The following MDGA2 variants were observed in gnomAD, a reference collection of about 807,000 sequenced individuals.
MDGA2 encodes MAM domain-containing glycosylphosphatidylinositol anchor protein 2.
Under a neutral mutation model 117.8 loss-of-function variants are expected in MDGA2, and 40 were observed. That is an observed-to-expected ratio of 0.34 (90% CI 0.26 to 0.44). MDGA2 has a LOEUF of 0.44. Among genes scored for constraint, MDGA2 ranks in the 20% least tolerant of loss-of-function variants. MDGA2 has a pLI of 1.00. For missense variants in MDGA2, 1,123 were observed against 1,250.6 expected, an observed-to-expected ratio of 0.90 and a Z score of 1.54; for synonymous variants, 452 against 439.0, an observed-to-expected ratio of 1.03 and a Z score of -0.37.
chr14:47,668,987 C>T (rs553486424), intron 1 of MDGA2, among the ~76,000 whole-genome samples: 1 of 152,232 alleles, frequency 6.6e-6, no homozygotes, highest in African/African-American at 2.4e-5. Context: ...AGTGATGAAT[C>T]GCCTCTATAC....
intron 5 of MDGA2, among the ~76,000 whole-genome samples, chr14:47,118,979 C>T (rs924560031): frequency 6.6e-6 from 1 of 151,946 alleles, no homozygotes; most frequent in African/African-American, 2.4e-5. Flanking sequence ...CTTGAGCAAT[C>T]CTCCTGCCTC....
chr14:47,283,107 T>A (rs1888556075), intron 2 of MDGA2, among the ~76,000 whole-genome samples: 2 of 152,168 alleles, frequency 1.3e-5, no homozygotes, highest in African/African-American at 4.8e-5. Flanking sequence ...TTTGGGCAAA[T>A]ATTGAATGCT....
At chr14:47,456,617 T>C (rs532178009) in intron 1 of MDGA2, among the ~76,000 whole-genome samples, 1 of 152,238 alleles carries the variant, frequency 6.6e-6, no homozygotes, top group African/African-American at 2.4e-5. Context: ...GTTTACCTTT[T>C]AAAAGAGTTA....
chr14:46,848,044 T>C (rs925059869), intron 15 of MDGA2, among the ~76,000 whole-genome samples: 1 of 152,026 alleles, frequency 6.6e-6, no homozygotes, highest in African/African-American at 2.4e-5. Flanking sequence ...AATGTAGCCA[T>C]AGCAAAGATA....
chr14:47,446,152 T>C (rs557538534), intron 1 of MDGA2, among the ~76,000 whole-genome samples: 4 of 152,260 alleles, frequency 2.6e-5, no homozygotes, highest in African/African-American at 9.6e-5. Flanking sequence ...CATCCCTGTG[T>C]GTAATTATTA....
chr14:47,584,685 T>C (rs961381821), intron 1 of MDGA2, among the ~76,000 whole-genome samples: 2 of 151,832 alleles, frequency 1.3e-5, no homozygotes, highest in Non-Finnish European at 2.9e-5. Context: ...TTTATCTTCT[T>C]ATGCCATCTT....
chr14:47,586,218 G>A (rs569460396), intron 1 of MDGA2, among the ~76,000 whole-genome samples: 15 of 151,864 alleles, frequency 9.9e-5, no homozygotes, highest in African/African-American at 3.6e-4. Context: ...CCGTCAACAC[G>A]AGACTGCACT....
chr14:47,490,512 A>G (rs1440374559), intron 1 of MDGA2, among the ~76,000 whole-genome samples: 1 of 152,108 alleles, frequency 6.6e-6, no homozygotes, highest in East Asian at 1.9e-4. Context: ...TTTGAAATCA[A>G]ATCAGGTGGT....
chr14:47,526,841 T>C (rs909769552), intron 1 of MDGA2, among the ~76,000 whole-genome samples: 1 of 152,090 alleles, frequency 6.6e-6, no homozygotes, highest in African/African-American at 2.4e-5. Flanking sequence ...TTGCTGAAAA[T>C]AGACAGATTT....
At chr14:47,561,588 C>T (rs1184252000) in intron 1 of MDGA2, among the ~76,000 whole-genome samples, 1 of 152,152 alleles carries the variant, frequency 6.6e-6, no homozygotes, top group Admixed American at 6.5e-5. Flanking sequence ...TGTCCTGAAA[C>T]TTTGCTGAAG....
At chr14:46,922,116 A>T (rs999872249) in intron 9 of MDGA2, among the ~76,000 whole-genome samples, 1 of 152,192 alleles carries the variant, frequency 6.6e-6, no homozygotes, top group Non-Finnish European at 1.5e-5. Context: ...GGGGGCAAAC[A>T]GAATTTTTAG....
intron 1 of MDGA2, among the ~76,000 whole-genome samples, chr14:47,627,228 A>G (rs1311692841): frequency 6.6e-6 from 1 of 152,056 alleles, no homozygotes; most frequent in East Asian, 1.9e-4. Context: ...GAATGCACCA[A>G]TTGGCACTCT....
intron 1 of MDGA2, among the ~76,000 whole-genome samples, chr14:47,594,557 C>T (rs748790239): frequency 1.3e-5 from 2 of 152,134 alleles, no homozygotes; most frequent in Non-Finnish European, 2.9e-5. Flanking sequence ...TTATGAAATA[C>T]TCTAGGTCCA....
In MDGA2 at chr14:47,561,174, TGTTTG is replaced by T. The variant is rs1566516066; in HGVS notation, c.280+113338_280+113342del. On this transcript the variant is annotated intron_variant, in intron 1 of 16. Coordinates refer to ENST00000399232, the MANE Select transcript of MDGA2 (RefSeq NM_001113498.3). ...TTTTGTTTTGTTTTGTTTTTTTGTT[TGTTTG>T]TTTTTTTTTGCTTAGGATTGCCTTA... is the stretch of plus-strand genomic sequence containing the variant. Among the ~76,000 whole-genome samples the T allele has an allele frequency of 5.7e-4, 45 of 78,854 alleles. 1 individual carries two copies. Among genetic ancestry groups the T allele is most frequent in the African/African-American group, 1.5e-3 (34 of 22,558 alleles). 51.7% of individuals were successfully genotyped at this position (78,854 alleles called of 152,430 possible). A position where few individuals can be genotyped will look rare whatever the true frequency, so the allele number is the denominator to read the frequency against.
chr14:47,391,555 A>G (rs975532903), intron 1 of MDGA2, among the ~76,000 whole-genome samples: 15 of 152,144 alleles, frequency 9.9e-5, no homozygotes, highest in African/African-American at 3.1e-4. Context: ...CACTTTGGAC[A>G]TCTGTTTAAA....
Position 46,899,863 on chromosome 14 carries a change from A to G in MDGA2, c.2239-17642T>C, listed in dbSNP as rs144541170. ...GGTTTTGAACCAGATTATGTCAAAC[A>G]ATGCTCTCAGAAGGCATCAGTAGAG... is the stretch of plus-strand genomic sequence containing the variant. On this transcript the variant is annotated intron_variant, in intron 10 of 16. Coordinates refer to ENST00000399232, the MANE Select transcript of MDGA2 (RefSeq NM_001113498.3). 3.8e-3 allele frequency among the ~76,000 whole-genome samples: 582 copies of G among 152,234 alleles called. 5 individuals carry two copies. Among genetic ancestry groups the G allele is most frequent in the African/African-American group, 0.013 (553 of 41,560 alleles).
chr14:47,477,817 G>T (rs1893874834), intron 1 of MDGA2, among the ~76,000 whole-genome samples: 1 of 152,186 alleles, frequency 6.6e-6, no homozygotes, highest in African/African-American at 2.4e-5. Flanking sequence ...TGACATCCCA[G>T]AGAGATTCCC....
chr14:47,356,960 G>A (rs1278355898), intron 1 of MDGA2, among the ~76,000 whole-genome samples: 2 of 152,168 alleles, frequency 1.3e-5, no homozygotes, highest in East Asian at 1.9e-4. Flanking sequence ...CACTCCTCGA[G>A]CTGTGGGAAG....
At chr14:47,247,770 C>T (rs1887296651) in intron 2 of MDGA2, among the ~76,000 whole-genome samples, 1 of 151,126 alleles carries the variant, frequency 6.6e-6, no homozygotes, top group South Asian at 2.1e-4. Context: ...TTAGGTATTT[C>T]TCCTAATACT....
Sources: gnomAD v4.1 joint callset for allele counts (sites outside exome capture counted in the v4.1 genomes callset) on GRCh38, gnomAD v4.1.1 for gene constraint, MANE v1.5 for transcripts, NCBI Gene and HGNC (gene_info 2026-07-23, HGNC 2026-07-21) for gene names.